The following DPH6 variants were observed in gnomAD, a reference collection of about 807,000 sequenced individuals.
DPH6 encodes the protein diphthine--ammonia ligase.
A neutral mutation model predicts 38.2 loss-of-function variants in DPH6; 33 were observed. The ratio of observed to expected loss-of-function variants is 0.86; its 90% CI spans 0.65 to 1.15. The LOEUF (loss-of-function observed/expected upper bound fraction) is 1.15, where lower values mean the gene tolerates loss of function less well. DPH6 is among the 50% of genes most tolerant of loss of function. The pLI is 0.00. For synonymous variants in DPH6, 108 were observed against 103.0 expected (o/e 1.05, Z -0.30); for missense variants, 325 against 320.0 (o/e 1.02, Z -0.12).
intron 3 of DPH6, among the ~76,000 whole-genome samples, chr15:35,230,340 A>T (rs1285125000): frequency 6.6e-6 from 1 of 152,112 alleles, no homozygotes; most frequent in Non-Finnish European, 1.5e-5. Flanking sequence ...GACTACCACC[A>T]ATGTTCCCTT....
chr15:35,364,098 C>T (rs141418459), intron 3 of DPH6, among the ~76,000 whole-genome samples: 86 of 151,986 alleles, frequency 5.7e-4, no homozygotes, highest in African/African-American at 1.9e-3. Context: ...GAATAATTTC[C>T]TTCTGCCTTA....
chr15:35,206,309 T>A, the DPH6 span, among the ~76,000 whole-genome samples: 2 of 152,144 alleles, frequency 1.3e-5, no homozygotes, highest in Admixed American at 1.3e-4. Context: ...AATTCCAAAT[T>A]GAGAAAATAA....
intron 3 of DPH6, among the ~76,000 whole-genome samples, chr15:35,482,472 T>C (rs1381534292): frequency 5.3e-5 from 8 of 151,974 alleles, no homozygotes; most frequent in Non-Finnish European, 1.0e-4. Flanking sequence ...AAAACCACAA[T>C]AATAAAAATA....
At chr15:35,477,508 C>T (rs1278958761) in intron 3 of DPH6, among the ~76,000 whole-genome samples, 1 of 151,842 alleles carries the variant, frequency 6.6e-6, no homozygotes, top group Non-Finnish European at 1.5e-5. Context: ...TGCCATCATA[C>T]ACATGGATAG....
At chr15:35,231,999 C>T (rs2051521314) in intron 3 of DPH6, among the ~76,000 whole-genome samples, 1 of 152,162 alleles carries the variant, frequency 6.6e-6, no homozygotes, top group South Asian at 2.1e-4. Flanking sequence ...TTGGGGATCA[C>T]TTTTCAACTT....
rs16961089 is a variant in DPH6, at chr15:35,489,466, A to G, written c.313-34646T>C. 1.9e-3 allele frequency: 1,849 copies of G among 983,304 alleles called. 26 individuals are homozygous for G. In the African/African-American group the frequency reaches 0.03, roughly 16 times the overall value. The allele number at this position is 983,304 out of a possible 1,614,324, so 60.9% of individuals were successfully genotyped here. A position where few individuals can be genotyped will look rare whatever the true frequency, so the allele number is the denominator to read the frequency against. On this transcript the variant is annotated intron_variant, in intron 3 of 8. Coordinates refer to ENST00000256538, the MANE Select transcript of DPH6 (RefSeq NM_080650.4). ...CAAGACTCAATTAATATATTACTCA[A>G]AGGCATATTAGGCATATAATAAATA...
chr15:35,406,552 A>G (rs2053296582), intron 6 of DPH6, among the ~76,000 whole-genome samples: 1 of 152,160 alleles, frequency 6.6e-6, no homozygotes, highest in South Asian at 2.1e-4. Context: ...AGCAGATGCT[A>G]ATGTGGTGAC....
intron 3 of DPH6, among the ~76,000 whole-genome samples, chr15:35,310,345 A>G (rs2052130372): frequency 6.6e-6 from 1 of 152,176 alleles, no homozygotes; most frequent in Non-Finnish European, 1.5e-5. Context: ...CACATCTTAA[A>G]AAGGGCCAGT....
At chr15:35,374,887 G>T (rs1422854941) in intron 7 of DPH6, among the ~76,000 whole-genome samples, 2 of 151,950 alleles carry the variant, frequency 1.3e-5, no homozygotes, top group African/African-American at 2.4e-5. Context: ...ACCCCAACTT[G>T]GTTTGTTAGC....
chr15:35,309,908 T>C (rs547386657), intron 3 of DPH6, among the ~76,000 whole-genome samples: 4 of 152,336 alleles, frequency 2.6e-5, no homozygotes, highest in African/African-American at 7.2e-5. Context: ...ATATCTATAA[T>C]CAGTGGGATC....
At chr15:35,299,684 C>G (rs1275257139) in intron 3 of DPH6, among the ~76,000 whole-genome samples, 1 of 152,218 alleles carries the variant, frequency 6.6e-6, no homozygotes, top group African/African-American at 2.4e-5. Context: ...CCCAGCTGTT[C>G]ACATAGATAC....
At chr15:35,300,330 T>A (rs1428774596) in intron 3 of DPH6, among the ~76,000 whole-genome samples, 1 of 152,190 alleles carries the variant, frequency 6.6e-6, no homozygotes, top group Non-Finnish European at 1.5e-5. Flanking sequence ...AAAGATCATT[T>A]TGAGTACTAC....
chr15:35,417,703 T>C (rs1482155897), intron 5 of DPH6, among the ~76,000 whole-genome samples: 2 of 152,106 alleles, frequency 1.3e-5, no homozygotes, highest in African/African-American at 4.8e-5. Context: ...TATATGAATA[T>C]ATAATAATAT....
chr15:35,493,526 G>A (rs1481511537), intron 3 of DPH6, among the ~76,000 whole-genome samples: 1 of 152,152 alleles, frequency 6.6e-6, no homozygotes, highest in Admixed American at 6.5e-5. Context: ...AGATGAGGAA[G>A]TAGAATGGGA....
intron 3 of DPH6, among the ~76,000 whole-genome samples, chr15:35,524,650 C>T (rs898030946): frequency 3.3e-5 from 5 of 152,052 alleles, no homozygotes; most frequent in Non-Finnish European, 5.9e-5. Context: ...TCTCAGTTTA[C>T]TTATCTGCAA....
chr15:35,468,826 G>C (rs1047975873), intron 3 of DPH6, among the ~76,000 whole-genome samples: 2 of 152,138 alleles, frequency 1.3e-5, no homozygotes, highest in Non-Finnish European at 2.9e-5. Context: ...CCAGCACTTT[G>C]GGAGGCTGAG....
chr15:35,317,897 C>A (rs2052207123), intron 3 of DPH6, among the ~76,000 whole-genome samples: 1 of 151,196 alleles, frequency 6.6e-6, no homozygotes, highest in Non-Finnish European at 1.5e-5. Flanking sequence ...TTAGCATATG[C>A]AGTAAAACAC....
At chr15:35,178,637 A>G in the DPH6 span, among the ~76,000 whole-genome samples, 17 of 152,302 alleles carry the variant, frequency 1.1e-4, no homozygotes, top group Middle Eastern at 3.4e-3. Context: ...CCTGGCAAAT[A>G]TTGTATACAG....
chr15:35,436,509 CA>C (rs1491101707), intron 5 of DPH6, among the ~76,000 whole-genome samples: 30 of 107,514 alleles, frequency 2.8e-4, no homozygotes, highest in East Asian at 1.1e-3. Flanking sequence ...CAAAACAAAA[CA>C]AAACAAAAAA....
Sources: gnomAD v4.1 joint callset for allele counts (sites outside exome capture counted in the v4.1 genomes callset) on GRCh38, gnomAD v4.1.1 for gene constraint, MANE v1.5 for transcripts, NCBI Gene and HGNC (gene_info 2026-07-23, HGNC 2026-07-21) for gene names.